PICALM: variants seen among roughly 807,000 people sequenced by gnomAD.
PICALM encodes the protein phosphatidylinositol-binding clathrin assembly protein.
A neutral mutation model predicts 80.5 loss-of-function variants in PICALM; 40 were observed. The ratio of observed to expected loss-of-function variants is 0.50; its 90% CI spans 0.39 to 0.65. PICALM has a LOEUF of 0.65. Among genes scored for constraint, PICALM ranks in the 30% least tolerant of loss-of-function variants. The pLI is 0.00. For missense variants in PICALM, 676 were observed against 778.9 expected, an observed-to-expected ratio of 0.87 and a Z score of 1.57; for synonymous variants, 288 against 260.3, an observed-to-expected ratio of 1.11 and a Z score of -1.02.
chr11:86,066,435 T>C (rs1303119847), intron 1 of PICALM, among the ~76,000 whole-genome samples: 1 of 152,030 alleles, frequency 6.6e-6, no homozygotes. Context: ...AACACAGAAG[T>C]GGTAGAGAAA....
At chr11:85,977,832 C>T (rs1007883552) in intron 17 of PICALM, among the ~76,000 whole-genome samples, 1 of 152,144 alleles carries the variant, frequency 6.6e-6, no homozygotes, top group African/African-American at 2.4e-5. Context: ...AGACACCCAG[C>T]CATCTGGCAG....
chr11:85,972,922 C>T (rs536019628), intron 19 of PICALM, among the ~76,000 whole-genome samples: 61 of 152,168 alleles, frequency 4.0e-4, no homozygotes, highest in African/African-American at 1.4e-3. Context: ...CAAGTTAAAC[C>T]AGTAATGAGA....
intron 4 of PICALM, 104 bp downstream of exon 4, chr11:86,022,263 C>A: frequency 1.5e-6 from 1 of 665,612 alleles, no homozygotes; most frequent in Non-Finnish European, 2.5e-6. Context: ...TGAGGCTCAT[C>A]TTTTAAAACT....
In PICALM at chr11:85,965,753, A is replaced by G. The variant is rs75221437; in HGVS notation, c.1945-6693T>C. ...CCTTGGGTTTCTGCCCATCAACAAC[A>G]TAACAAAGTAATGCCAACATTAACC... On this transcript the variant is annotated intron_variant, in intron 19 of 19. Transcript: ENST00000393346. Among the ~76,000 whole-genome samples the G allele has an allele frequency of 9.2e-3, 1,398 of 151,456 alleles. 22 individuals are homozygous for G. Among genetic ancestry groups the G allele is most frequent in the African/African-American group, 0.032 (1,337 of 41,210 alleles).
chr11:86,022,846 T>C (rs1402724934), intron 3 of PICALM, among the ~76,000 whole-genome samples: 1 of 152,108 alleles, frequency 6.6e-6, no homozygotes, highest in Non-Finnish European at 1.5e-5. Context: ...ATTCCTCAAA[T>C]CAAGCAACTT....
At chr11:86,042,428 CTG>C (rs201912818) in intron 1 of PICALM, among the ~76,000 whole-genome samples, 2,086 of 152,130 alleles carry the variant, frequency 0.014, 24 homozygotes, top group Middle Eastern at 0.031. Context: ...AGAAAACAAA[CTG>C]AAAGTATTAC....
At chr11:86,027,166 C>T (rs923410833) in intron 2 of PICALM, among the ~76,000 whole-genome samples, 1 of 152,106 alleles carries the variant, frequency 6.6e-6, no homozygotes, top group Non-Finnish European at 1.5e-5. Context: ...TTGTAATTTT[C>T]GCTATTATTA....
chr11:86,042,794 A>C (rs1204461970), intron 1 of PICALM, among the ~76,000 whole-genome samples: 2 of 151,876 alleles, frequency 1.3e-5, no homozygotes, highest in African/African-American at 4.8e-5. Flanking sequence ...AGCAGGGTCC[A>C]GAGTGGGGGC....
chr11:86,031,341 A>G (rs914436119), intron 2 of PICALM, 128 bp downstream of exon 2: 5 of 667,280 alleles, frequency 7.5e-6, no homozygotes, highest in East Asian at 2.8e-5. Flanking sequence ...TACAGGGTCT[A>G]TAATTATATT....
intron 19 of PICALM, among the ~76,000 whole-genome samples, chr11:85,965,945 T>C (rs187132539): frequency 1.3e-5 from 2 of 150,684 alleles, no homozygotes; most frequent in Non-Finnish European, 1.5e-5. Context: ...GCCTCCTGAG[T>C]TGCTGGGACT....
chr11:86,067,317 A>G (rs1261155032), intron 1 of PICALM, among the ~76,000 whole-genome samples: 1 of 152,248 alleles, frequency 6.6e-6, no homozygotes, highest in African/African-American at 2.4e-5. Context: ...GATGAAAGTC[A>G]GTCAGACTAA....
At chr11:85,988,093 C>T (rs1223681908) in intron 13 of PICALM, among the ~76,000 whole-genome samples, 2 of 152,152 alleles carry the variant, frequency 1.3e-5, no homozygotes, top group African/African-American at 2.4e-5. Context: ...CTTTTTAATG[C>T]CAACTTAACT....
chr11:86,018,896 A>AG (rs1285194850), intron 4 of PICALM, among the ~76,000 whole-genome samples: 2 of 49,082 alleles, frequency 4.1e-5, no homozygotes, highest in East Asian at 3.7e-4. Context: ...CTTAAAAAAA[A>AG]AAAAGAAAAA....
chr11:86,049,587 CTG>C (rs1021703168), intron 1 of PICALM, among the ~76,000 whole-genome samples: 6 of 151,494 alleles, frequency 4.0e-5, no homozygotes, highest in African/African-American at 7.3e-5. Context: ...GAGTCTCACT[CTG>C]TCACCCAGGC....
chr11:86,006,184 C>T (rs967479725), intron 8 of PICALM, among the ~76,000 whole-genome samples: 3 of 152,174 alleles, frequency 2.0e-5, no homozygotes, highest in African/African-American at 4.8e-5. Context: ...GAATCATGTG[C>T]TTGCTCTTAA....
chr11:86,068,724 G>C lies in PICALM; in HGVS notation c.57C>G (p.Gly19=), dbSNP rs760454199. 64 of 1,613,186 alleles carry C rather than the reference G, an allele frequency of 4.0e-5. No individual in the cohort carries two copies. In the Middle Eastern group the frequency reaches 6.4e-3, roughly 162 times the overall value. ...TGCATACTGTCTTGGATACGGCAGA[G>C]CCGGTGACACTGTGCTGGGCGGCAG... is the stretch of plus-strand genomic sequence containing the variant. The part of the protein sequence containing the change: ...RITAAQHSVT[G]SAVSKTVCKA... The change falls in exon 1 of 20, where the codon GGC becomes GGG. Residue 19 remains glycine (G), a synonymous_variant. Coordinates refer to ENST00000393346, the MANE Select transcript of PICALM (RefSeq NM_007166.4).
chr11:86,038,423 C>G (rs1009832958), intron 1 of PICALM, among the ~76,000 whole-genome samples: 1 of 152,198 alleles, frequency 6.6e-6, no homozygotes, highest in African/African-American at 2.4e-5. Context: ...GTATTTTGAA[C>G]ACAAGTTCAA....
intron 5 of PICALM, 38 bp downstream of exon 5, chr11:86,014,832 A>G: frequency 4.1e-6 from 5 of 1,213,836 alleles, no homozygotes; most frequent in Non-Finnish European, 5.8e-6. Context: ...ATAATGACCT[A>G]ATTTTTTAAA....
intron 13 of PICALM, among the ~76,000 whole-genome samples, 157 bp downstream of exon 13, chr11:85,990,093 T>C: frequency 6.6e-6 from 1 of 151,102 alleles, no homozygotes; most frequent in East Asian, 1.9e-4. Context: ...CCAGTGTCAA[T>C]TTAAAAACCT....
Sources: allele counts gnomAD v4.1 joint callset (sites outside exome capture counted in the v4.1 genomes callset), GRCh38; gene constraint gnomAD v4.1.1; transcripts MANE v1.5; gene names NCBI Gene and HGNC (gene_info 2026-07-23, HGNC 2026-07-21).